Variants in ARL15 observed in about 807,000 individuals in gnomAD.
ARL15 encodes the protein ARF like GTPase 15.
Under a neutral mutation model 25.2 loss-of-function variants are expected in ARL15, and 19 were observed. The observed-to-expected ratio is 0.75, with a 90% CI of 0.53 to 1.10. ARL15 has a LOEUF of 1.10. ARL15 is among the 50% of genes least tolerant of loss of function. The pLI is 0.00. For missense variants in ARL15, 220 were observed against 246.0 expected, an observed-to-expected ratio of 0.89 and a Z score of 0.71; for synonymous variants, 94 against 86.8, an observed-to-expected ratio of 1.08 and a Z score of -0.46.
intron 3 of ARL15, among the ~76,000 whole-genome samples, chr5:54,117,364 GACACATACAC>G (rs1354042554): frequency 2.2e-5 from 2 of 90,982 alleles, no homozygotes; most frequent in Non-Finnish European, 4.0e-5. Flanking sequence ...CAAATAGTGA[GACACATACAC>G]ACACACACAC....
intron 4 of ARL15, among the ~76,000 whole-genome samples, chr5:53,925,370 T>C (rs1745986482): frequency 2.0e-5 from 3 of 152,052 alleles, no homozygotes; most frequent in Admixed American, 2.0e-4. Context: ...TAATTTTTTT[T>C]ACTATTTGTA....
At chr5:54,175,982 T>C (rs752389090) in intron 1 of ARL15, among the ~76,000 whole-genome samples, 2 of 152,106 alleles carry the variant, frequency 1.3e-5, no homozygotes, top group Non-Finnish European at 2.9e-5. Context: ...TCACCAGTGA[T>C]ATCATCTCCA....
chr5:53,901,035 A>G (rs955218011), intron 4 of ARL15, among the ~76,000 whole-genome samples: 4 of 152,236 alleles, frequency 2.6e-5, no homozygotes, highest in Admixed American at 6.5e-5. Context: ...AAAGAGAAGC[A>G]TCAGTACACT....
At chr5:54,201,297 C>T (rs565492974) in intron 1 of ARL15, among the ~76,000 whole-genome samples, 4 of 152,178 alleles carry the variant, frequency 2.6e-5, no homozygotes, top group Admixed American at 2.6e-4. Context: ...TTACCAACTA[C>T]CCCATACCCA....
intron 3 of ARL15, among the ~76,000 whole-genome samples, chr5:54,119,983 C>T (rs1020983500): frequency 6.6e-6 from 1 of 152,132 alleles, no homozygotes. Flanking sequence ...GTTCATCTTC[C>T]TGATTACACT....
intron 4 of ARL15, among the ~76,000 whole-genome samples, chr5:54,098,804 C>A (rs1340572578): frequency 6.6e-6 from 1 of 152,092 alleles, no homozygotes; most frequent in Non-Finnish European, 1.5e-5. Context: ...CTTAAAATTT[C>A]CCCCAAAGAA....
At chr5:54,097,818 G>A (rs948171431) in intron 4 of ARL15, among the ~76,000 whole-genome samples, 1 of 152,166 alleles carries the variant, frequency 6.6e-6, no homozygotes, top group South Asian at 2.1e-4. Context: ...CGTTCTGATT[G>A]TACTCTACAG....
intron 4 of ARL15, among the ~76,000 whole-genome samples, chr5:54,054,733 T>C (rs1170320413): frequency 1.3e-5 from 2 of 152,074 alleles, no homozygotes; most frequent in Non-Finnish European, 2.9e-5. Context: ...GAGCTTGCAG[T>C]GAGCCAAGAT....
At chr5:54,166,221 C>A (rs1292499205) in intron 2 of ARL15, among the ~76,000 whole-genome samples, 1 of 151,994 alleles carries the variant, frequency 6.6e-6, no homozygotes, top group East Asian at 1.9e-4. Context: ...GAGATGGGGT[C>A]TCTCTCTCTG....
At chr5:54,175,950 T>G (rs531417751) in intron 1 of ARL15, among the ~76,000 whole-genome samples, 2 of 152,194 alleles carry the variant, frequency 1.3e-5, no homozygotes, top group East Asian at 1.9e-4. Flanking sequence ...CTGAGCCTGG[T>G]CTCTCTTCCC....
At chr5:54,269,632 A>G (rs1251122968) in intron 1 of ARL15, among the ~76,000 whole-genome samples, 1 of 152,116 alleles carries the variant, frequency 6.6e-6, no homozygotes, top group Non-Finnish European at 1.5e-5. Flanking sequence ...AACATAGAGG[A>G]TTTTTTAATT....
At chr5:54,101,345 AT>A (rs1752432919) in intron 4 of ARL15, among the ~76,000 whole-genome samples, 1 of 152,140 alleles carries the variant, frequency 6.6e-6, no homozygotes, top group African/African-American at 2.4e-5. Context: ...AAGAATTATA[AT>A]TTTTGTATTC....
At chr5:54,096,119 A>G (rs1252580568) in intron 4 of ARL15, among the ~76,000 whole-genome samples, 2 of 152,106 alleles carry the variant, frequency 1.3e-5, no homozygotes, top group Non-Finnish European at 2.9e-5. Flanking sequence ...CAATCAGGAG[A>G]AGTGCCTGAT....
intron 1 of ARL15, among the ~76,000 whole-genome samples, chr5:54,255,802 A>G (rs1400025145): frequency 6.6e-6 from 1 of 152,234 alleles, no homozygotes; most frequent in African/African-American, 2.4e-5. Flanking sequence ...AAATTAAACA[A>G]TCTCCTCCTG....
At chr5:54,229,152 C>T (rs1756600784) in intron 1 of ARL15, among the ~76,000 whole-genome samples, 1 of 152,158 alleles carries the variant, frequency 6.6e-6, no homozygotes, top group African/African-American at 2.4e-5. Flanking sequence ...ACCATGGTGA[C>T]ATTTCCTTTA....
At chr5:54,213,369 C>G (rs376101107) in intron 1 of ARL15, among the ~76,000 whole-genome samples, 10 of 152,158 alleles carry the variant, frequency 6.6e-5, no homozygotes, top group Non-Finnish European at 1.5e-4. Context: ...CGAGTCACCC[C>G]CTCCACTGCC....
At chr5:54,197,627 A>G (rs1755588772) in intron 1 of ARL15, among the ~76,000 whole-genome samples, 1 of 152,124 alleles carries the variant, frequency 6.6e-6, no homozygotes, top group African/African-American at 2.4e-5. Flanking sequence ...AACAGAGCAT[A>G]AGGAGCTGAA....
At chr5:54,054,758 C>A (rs1229269199) in intron 4 of ARL15, among the ~76,000 whole-genome samples, 1 of 152,062 alleles carries the variant, frequency 6.6e-6, no homozygotes, top group East Asian at 1.9e-4. Flanking sequence ...CCACTGCACT[C>A]CAGCCTGGGT....
chr5:53,909,243 C>T (rs1397080922), intron 4 of ARL15, among the ~76,000 whole-genome samples: 2 of 151,930 alleles, frequency 1.3e-5, no homozygotes, highest in Non-Finnish European at 2.9e-5. Context: ...TATTTGAGCA[C>T]AGAAAAAGGT....
Sources: gnomAD v4.1 joint callset for allele counts (sites outside exome capture counted in the v4.1 genomes callset) on GRCh38, gnomAD v4.1.1 for gene constraint, MANE v1.5 for transcripts, NCBI Gene and HGNC (gene_info 2026-07-23, HGNC 2026-07-21) for gene names.